Variants in GRID1 observed in about 807,000 individuals in gnomAD.
GRID1 encodes glutamate ionotropic receptor delta type subunit 1.
Under a neutral mutation model 98.0 loss-of-function variants are expected in GRID1, and 28 were observed. That is an observed-to-expected ratio of 0.29 (90% CI 0.21 to 0.39). The LOEUF is 0.39. Among genes scored for constraint, GRID1 ranks in the 10% least tolerant of loss-of-function variants. The pLI is 1.00. For synonymous variants in GRID1, 553 were observed against 538.5 expected (o/e 1.03, Z -0.37); for missense variants, 1,111 against 1,340.5 (o/e 0.83, Z 2.67).
chr10:85,949,777 G>C (rs967786702), intron 4 of GRID1, among the ~76,000 whole-genome samples: 2 of 152,140 alleles, frequency 1.3e-5, no homozygotes, highest in African/African-American at 4.8e-5. Flanking sequence ...TTATATTAAT[G>C]ACTAAAATAA....
At chr10:86,346,776 T>G (rs971239279) in intron 2 of GRID1, among the ~76,000 whole-genome samples, 3 of 152,144 alleles carry the variant, frequency 2.0e-5, no homozygotes, top group African/African-American at 7.2e-5. Flanking sequence ...GGCCCAGGAC[T>G]CCTCCTTGTC....
intron 12 of GRID1, among the ~76,000 whole-genome samples, chr10:85,649,550 G>A (rs898262668): frequency 3.3e-5 from 5 of 151,594 alleles, no homozygotes; most frequent in Non-Finnish European, 5.9e-5. Context: ...ACGAGGCTTT[G>A]ATGAATGAGA....
intron 4 of GRID1, among the ~76,000 whole-genome samples, chr10:86,051,704 C>T (rs1843505461): frequency 6.6e-6 from 1 of 152,132 alleles, no homozygotes; most frequent in Non-Finnish European, 1.5e-5. Context: ...TAATCTTGTT[C>T]AAAAGAGAAA....
intron 4 of GRID1, among the ~76,000 whole-genome samples, chr10:86,025,484 A>C (rs776561206): frequency 2.6e-5 from 4 of 152,188 alleles, no homozygotes; most frequent in Non-Finnish European, 5.9e-5. Flanking sequence ...CTACGATAGT[A>C]GTCACAATCA....
At chr10:86,119,891 C>T (rs796353540) in intron 4 of GRID1, among the ~76,000 whole-genome samples, 17 of 152,058 alleles carry the variant, frequency 1.1e-4, no homozygotes, top group Non-Finnish European at 2.2e-4. Flanking sequence ...CCTGGGTTCA[C>T]GCCATTCTCC....
chr10:85,670,929 C>T (rs972748746), intron 12 of GRID1, among the ~76,000 whole-genome samples: 1 of 152,280 alleles, frequency 6.6e-6, no homozygotes, highest in Admixed American at 6.5e-5. Context: ...CTGAGATAAG[C>T]GCCTCCAGGA....
In GRID1 at chr10:86,207,778, CG is replaced by C. The variant is rs1846052603; in HGVS notation, c.236-1131del. Among the ~76,000 whole-genome samples the C allele has an allele frequency of 2.0e-5, 3 of 152,000 alleles. No homozygotes were observed. In the South Asian group the frequency reaches 6.2e-4, roughly 32 times the overall value. On this transcript the variant is annotated intron_variant, in intron 2 of 15. Coordinates refer to ENST00000327946, the MANE Select transcript of GRID1 (RefSeq NM_017551.3). ...TCCCCTGTAGCTGGGACTACAGGCA[CG>C]CGCCACCATGCCCGGCTAATTTTTG...
chr10:85,849,118 A>C (rs532110610), intron 8 of GRID1, among the ~76,000 whole-genome samples: 100 of 152,254 alleles, frequency 6.6e-4, no homozygotes, highest in African/African-American at 2.3e-3. Flanking sequence ...CTTCTACTTC[A>C]TTACGAGTTA....
intron 2 of GRID1, among the ~76,000 whole-genome samples, chr10:86,279,452 T>G (rs1384663926): frequency 6.6e-6 from 1 of 152,180 alleles, no homozygotes; most frequent in Non-Finnish European, 1.5e-5. Flanking sequence ...GATTTAACAT[T>G]TAACTTAACA....
chr10:85,859,610 T>C (rs1310110321), intron 6 of GRID1, among the ~76,000 whole-genome samples: 2 of 152,198 alleles, frequency 1.3e-5, no homozygotes, highest in Non-Finnish European at 2.9e-5. Context: ...GTCTAAAACC[T>C]CCTCAAAACA....
intron 4 of GRID1, among the ~76,000 whole-genome samples, chr10:86,077,027 G>C (rs2131926245): frequency 7.3e-6 from 1 of 136,884 alleles, no homozygotes; most frequent in Non-Finnish European, 1.6e-5. Context: ...GCAGGTACTG[G>C]AGTTAGAACT....
chr10:85,891,594 C>T (rs779938130), intron 5 of GRID1, among the ~76,000 whole-genome samples: 3 of 152,092 alleles, frequency 2.0e-5, no homozygotes, highest in Admixed American at 1.3e-4. Flanking sequence ...TAACTAAACC[C>T]CCTGAATCCA....
intron 4 of GRID1, among the ~76,000 whole-genome samples, chr10:86,083,546 A>C (rs1380130298): frequency 1.3e-5 from 2 of 152,352 alleles, no homozygotes; most frequent in African/African-American, 4.8e-5. Context: ...CATTGCACGA[A>C]GCGATGGGGA....
intron 8 of GRID1, among the ~76,000 whole-genome samples, chr10:85,850,003 CA>C (rs1843042671): frequency 6.6e-6 from 1 of 152,168 alleles, no homozygotes; most frequent in Non-Finnish European, 1.5e-5. Context: ...ATCCAGGATG[CA>C]AGGCATAAAA....
At chr10:85,821,627 T>G (rs1842773869) in intron 8 of GRID1, among the ~76,000 whole-genome samples, 1 of 150,556 alleles carries the variant, frequency 6.6e-6, no homozygotes, top group African/African-American at 2.4e-5. Context: ...TTGAGGGTGA[T>G]CCAAATAATT....
chr10:85,895,016 A>AATAT lies in GRID1; in HGVS notation c.780+21166_780+21169dup, dbSNP rs67350023. Among the ~76,000 whole-genome samples the AATAT allele has an allele frequency of 3.2e-3, 313 of 97,074 alleles. 2 individuals carry two copies. The highest frequency in any genetic ancestry group is 5.3e-3 in the Middle Eastern group (1 of 188). The allele number at this position is 97,074 out of a possible 152,430, so 63.7% of individuals were successfully genotyped here. Reference sequence around the variant, plus strand: ...CTGGGACTCTCAAAAAAAAAAAAAAAATATATATATATATATATATATATG... The same window carrying AATAT: ...CTGGGACTCTCAAAAAAAAAAAAAAAATATATATATATATATATATATATATATG... On this transcript the variant is annotated intron_variant, in intron 5 of 15. Coordinates refer to ENST00000327946, the MANE Select transcript of GRID1 (RefSeq NM_017551.3).
chr10:85,976,990 G>T (rs753304926), intron 4 of GRID1, among the ~76,000 whole-genome samples: 6 of 152,236 alleles, frequency 3.9e-5, no homozygotes, highest in African/African-American at 7.2e-5. Flanking sequence ...GCACTGGCCT[G>T]TGGGTTCCAG....
chr10:86,087,341 T>TTGTGTGTGTG (rs10591518), intron 4 of GRID1, among the ~76,000 whole-genome samples: 1 of 148,020 alleles, frequency 6.8e-6, no homozygotes, highest in African/African-American at 2.5e-5. Context: ...TTGAGTGTGT[T>TTGTGTGTGTG]TGTGTGTGTG....
At chr10:85,771,840 C>G (rs1356557770) in intron 8 of GRID1, among the ~76,000 whole-genome samples, 2 of 152,288 alleles carry the variant, frequency 1.3e-5, no homozygotes, top group East Asian at 3.9e-4. Flanking sequence ...GAGTGACCTA[C>G]AAAGAGACTT....
Sources: allele counts gnomAD v4.1 joint callset (sites outside exome capture counted in the v4.1 genomes callset), GRCh38; gene constraint gnomAD v4.1.1; transcripts MANE v1.5; gene names NCBI Gene and HGNC (gene_info 2026-07-23, HGNC 2026-07-21).